The following NREP variants were observed in gnomAD, a reference collection of about 807,000 sequenced individuals.
The protein encoded by NREP is neuronal regeneration related protein.
NREP carries 5 observed loss-of-function variants against 8.6 expected under a neutral mutation model. The ratio of observed to expected loss-of-function variants is 0.58; its 90% CI spans 0.30 to 1.22. The LOEUF (loss-of-function observed/expected upper bound fraction) is 1.22. NREP is among the 50% of genes most tolerant of loss of function. The probability of loss-of-function intolerance (pLI) is 0.07; values close to 1 mark genes in which losing one functional copy is unlikely to be tolerated. For missense variants in NREP, 86 were observed against 82.5 expected (o/e 1.04, Z -0.17); for synonymous variants, 27 against 28.0 (o/e 0.96, Z 0.11).
intron 2 of NREP, among the ~76,000 whole-genome samples, chr5:111,832,766 A>G (rs780206736): frequency 2.0e-5 from 3 of 152,230 alleles, no homozygotes; most frequent in Non-Finnish European, 4.4e-5. Context: ...GCCTGATAGC[A>G]TCTCTGAATC....
At chr5:111,960,377 G>T (rs1050530360) in intron 2 of NREP, among the ~76,000 whole-genome samples, 1 of 152,036 alleles carries the variant, frequency 6.6e-6, no homozygotes, top group African/African-American at 2.4e-5. Flanking sequence ...ATATTTAATG[G>T]ATTAATATGA....
chr5:111,958,039 C>A (rs1756374183), intron 2 of NREP, among the ~76,000 whole-genome samples: 1 of 151,812 alleles, frequency 6.6e-6, no homozygotes, highest in Non-Finnish European at 1.5e-5. Flanking sequence ...CTTTCGAAAG[C>A]TAACAGCAAA....
At position 111,868,781 on chromosome 5, in the gene NREP, A is replaced by C. The variant is rs147094282; in HGVS notation, c.135+106493T>G. Among the ~76,000 whole-genome samples, 277 of 152,242 alleles carry C rather than the reference A, an allele frequency of 1.8e-3. 3 individuals carry two copies. The highest frequency in any genetic ancestry group is 6.5e-3 in the African/African-American group (269 of 41,538). The stretch of plus-strand genomic sequence containing the variant: ...AGATGTGTTCTTTCAATGACACTTC[A>C]AACACAAATTCATCTAAATGGCAGA... On this transcript the variant is annotated intron_variant, in intron 2 of 3. Transcript: ENST00000395634.
At chr5:111,912,250 G>A (rs1038957954) in intron 2 of NREP, among the ~76,000 whole-genome samples, 1 of 151,808 alleles carries the variant, frequency 6.6e-6, no homozygotes. Context: ...CCCTCATCCA[G>A]AATGGTGTGG....
At chr5:111,939,172 C>A (rs921491632) in intron 2 of NREP, among the ~76,000 whole-genome samples, 1 of 151,990 alleles carries the variant, frequency 6.6e-6, no homozygotes, top group East Asian at 1.9e-4. Flanking sequence ...GTCCATGGAG[C>A]CTCACATCTT....
intron 2 of NREP, among the ~76,000 whole-genome samples, chr5:111,934,869 C>G (rs539129378): frequency 7.2e-5 from 11 of 152,092 alleles, no homozygotes; most frequent in African/African-American, 2.6e-4. Context: ...ATAATTCCAG[C>G]CAGACTTACC....
At chr5:111,757,982 C>G, upstream of NREP, 1 of 985,566 alleles carries the variant, frequency 1.0e-6, no homozygotes, top group South Asian at 4.7e-5. Context: ...AGGACGGCGA[C>G]GGGCGGCAGC....
At chr5:111,747,010 A>C (rs1024118483) in intron 2 of NREP, among the ~76,000 whole-genome samples, 1 of 152,172 alleles carries the variant, frequency 6.6e-6, no homozygotes, top group Non-Finnish European at 1.5e-5. Context: ...ACTGACACTC[A>C]ACAATGTCTG....
chr5:111,829,135 A>G lies in NREP; in HGVS notation c.136-93628T>C, dbSNP rs146797163. 2.3e-4 allele frequency among the ~76,000 whole-genome samples: 35 copies of G among 152,302 alleles called. No individual in the cohort carries two copies. The East Asian group carries it at 6.8e-3, about 29-fold the overall frequency. ...CAAAAACATATAATTCTATGTGGCTAGAACATTGGGTACATGTTGGGAAGA... is the reference window on the plus strand; with the variant it reads ...CAAAAACATATAATTCTATGTGGCTGGAACATTGGGTACATGTTGGGAAGA... On this transcript the variant is annotated intron_variant, in intron 2 of 3. Transcript: ENST00000395634.
intron 2 of NREP, among the ~76,000 whole-genome samples, chr5:111,812,290 C>A (rs964382265): frequency 8.3e-6 from 1 of 120,636 alleles, no homozygotes; most frequent in Non-Finnish European, 1.7e-5. Flanking sequence ...CTGTCTCAAA[C>A]AAACAAACAA....
At chr5:111,876,128 G>A (rs1043331658) in intron 2 of NREP, among the ~76,000 whole-genome samples, 1 of 152,112 alleles carries the variant, frequency 6.6e-6, no homozygotes, top group Non-Finnish European at 1.5e-5. Context: ...TATTGTCCCT[G>A]GTGGACATGC....
chr5:111,863,727 G>A (rs1476286616), intron 2 of NREP, among the ~76,000 whole-genome samples: 1 of 152,118 alleles, frequency 6.6e-6, no homozygotes, highest in East Asian at 1.9e-4. Flanking sequence ...ATGAGAAGTT[G>A]AATAACATAA....
intron 2 of NREP, among the ~76,000 whole-genome samples, chr5:111,852,571 T>C (rs1753336739): frequency 6.6e-6 from 1 of 152,156 alleles, no homozygotes; most frequent in African/African-American, 2.4e-5. Context: ...AAGCATGCTA[T>C]TGAGGTTGTA....
At chr5:111,898,614 A>G (rs530130800) in intron 2 of NREP, among the ~76,000 whole-genome samples, 1 of 152,286 alleles carries the variant, frequency 6.6e-6, no homozygotes, top group African/African-American at 2.4e-5. Context: ...TTGAGAGTGG[A>G]ACATGATGGC....
At chr5:111,946,957 T>C (rs530258986) in intron 2 of NREP, among the ~76,000 whole-genome samples, 73 of 152,138 alleles carry the variant, frequency 4.8e-4, no homozygotes, top group African/African-American at 1.7e-3. Context: ...AAAATAAGAA[T>C]ATACTAGTCT....
At chr5:111,913,577 G>A (rs1317539808) in intron 2 of NREP, among the ~76,000 whole-genome samples, 1 of 152,112 alleles carries the variant, frequency 6.6e-6, no homozygotes, top group South Asian at 2.1e-4. Context: ...GTAAAATGAG[G>A]AGGCTAAATG....
intron 2 of NREP, among the ~76,000 whole-genome samples, chr5:111,938,286 A>T (rs1006997462): frequency 6.6e-6 from 1 of 152,042 alleles, no homozygotes; most frequent in South Asian, 2.1e-4. Context: ...CAGTTATCCT[A>T]TCTATTTAAT....
At chr5:111,846,327 C>G (rs1037158272) in intron 2 of NREP, 1 of 152,454 alleles carries the variant, frequency 6.6e-6, no homozygotes, top group African/African-American at 2.5e-5. Flanking sequence ...AGGCTGGACT[C>G]TCCTCATTTT....
At chr5:111,951,047 AC>A (rs1471870268) in intron 2 of NREP, among the ~76,000 whole-genome samples, 1 of 152,102 alleles carries the variant, frequency 6.6e-6, no homozygotes, top group Non-Finnish European at 1.5e-5. Context: ...ATGTCTTTAT[AC>A]TTTTATTACA....
Sources: allele counts gnomAD v4.1 joint callset (sites outside exome capture counted in the v4.1 genomes callset), GRCh38; gene constraint gnomAD v4.1.1; transcripts MANE v1.5; gene names NCBI Gene and HGNC (gene_info 2026-07-23, HGNC 2026-07-21).